Variants in CCSER1 observed in about 807,000 individuals in gnomAD.
The protein encoded by CCSER1 is coiled-coil serine rich protein 1, also known as serine-rich coiled-coil domain-containing protein 1.
CCSER1 carries 41 observed loss-of-function variants against 82.0 expected under a neutral mutation model. That is an observed-to-expected ratio of 0.50 (90% CI 0.39 to 0.65). The LOEUF (loss-of-function observed/expected upper bound fraction) is 0.65. Ranked by LOEUF, CCSER1 falls within the 30% of genes least tolerant of loss-of-function variation. The probability of loss-of-function intolerance (pLI) is 0.00; values close to 1 mark genes in which losing one functional copy is unlikely to be tolerated. For synonymous variants in CCSER1, 414 were observed against 383.9 expected (o/e 1.08, Z -0.92); for missense variants, 1,119 against 1,064.2 (o/e 1.05, Z -0.72).
intron 10 of CCSER1, among the ~76,000 whole-genome samples, chr4:91,155,719 T>A (rs572703448): frequency 4.6e-5 from 7 of 152,096 alleles, no homozygotes; most frequent in African/African-American, 1.7e-4. Flanking sequence ...TCTATTAATC[T>A]CTTGCAGAAA....
At chr4:90,858,450 T>A (rs1764706397) in intron 8 of CCSER1, among the ~76,000 whole-genome samples, 1 of 151,936 alleles carries the variant, frequency 6.6e-6, no homozygotes, top group Non-Finnish European at 1.5e-5. Context: ...TCAACCTCAG[T>A]GGTAATATAT....
intron 8 of CCSER1, among the ~76,000 whole-genome samples, chr4:90,899,373 A>G (rs1184030711): frequency 1.3e-5 from 2 of 151,960 alleles, no homozygotes; most frequent in Admixed American, 6.6e-5. Context: ...AGGGCTTTCT[A>G]TGTATAAAAT....
chr4:90,732,056 T>TCTCTCTCTCTCTCTCC (rs761678318), intron 7 of CCSER1, among the ~76,000 whole-genome samples: 1 of 144,710 alleles, frequency 6.9e-6, no homozygotes, highest in South Asian at 2.3e-4. Context: ...TCTCTCTCTC[T>TCTCTCTCTCTCTCTCC]CTCTCACTGC....
chr4:91,566,614 TGAGAG>T (rs1347216454), intron 10 of CCSER1, among the ~76,000 whole-genome samples: 1 of 152,122 alleles, frequency 6.6e-6, no homozygotes, highest in African/African-American at 2.4e-5. Context: ...GACTCAGTCT[TGAGAG>T]GATGTATATG....
intron 7 of CCSER1, among the ~76,000 whole-genome samples, chr4:90,804,114 C>G (rs577617558): frequency 7.2e-5 from 11 of 152,122 alleles, no homozygotes; most frequent in Non-Finnish European, 1.6e-4. Context: ...GGTTATTACT[C>G]CTTTGTCAGA....
At chr4:91,136,127 A>G (rs1728449184) in intron 10 of CCSER1, among the ~76,000 whole-genome samples, 1 of 152,158 alleles carries the variant, frequency 6.6e-6, no homozygotes. Context: ...AAAATTCCTC[A>G]TCTGATGTCC....
intron 1 of CCSER1, among the ~76,000 whole-genome samples, chr4:90,296,277 A>C (rs1731893228): frequency 1.3e-5 from 2 of 152,022 alleles, no homozygotes; most frequent in African/African-American, 4.8e-5. Context: ...TTTTGAAATT[A>C]TTTGTAACAG....
At chr4:90,670,051 C>A (rs1299460168) in intron 6 of CCSER1, among the ~76,000 whole-genome samples, 1 of 152,102 alleles carries the variant, frequency 6.6e-6, no homozygotes, top group Non-Finnish European at 1.5e-5. Context: ...ATTATGATCT[C>A]TAGCTTGCAC....
At chr4:90,495,492 C>T (rs1339144542) in intron 5 of CCSER1, among the ~76,000 whole-genome samples, 1 of 152,076 alleles carries the variant, frequency 6.6e-6, no homozygotes, top group East Asian at 1.9e-4. Flanking sequence ...TTCCTTCATT[C>T]TTATAGACGA....
chr4:90,610,820 C>G (rs1410712763), intron 5 of CCSER1, among the ~76,000 whole-genome samples: 10 of 152,072 alleles, frequency 6.6e-5, no homozygotes, highest in Admixed American at 2.0e-4. Context: ...TATCTCATTA[C>G]ATTAATGAGA....
intron 7 of CCSER1, among the ~76,000 whole-genome samples, chr4:90,764,998 C>T (rs902603059): frequency 4.6e-5 from 7 of 151,954 alleles, no homozygotes; most frequent in African/African-American, 1.7e-4. Flanking sequence ...CTTTTGTGGC[C>T]TATGCTCATT....
chr4:91,558,103 TAA>T (rs547310996), intron 10 of CCSER1, among the ~76,000 whole-genome samples: 98 of 121,340 alleles, frequency 8.1e-4, no homozygotes, highest in African/African-American at 3.0e-3. Context: ...TACCTTTTAA[TAA>T]AAAAAATATA....
At chr4:90,413,992 A>ATG (rs1288922112) in intron 4 of CCSER1, among the ~76,000 whole-genome samples, 9 of 119,004 alleles carry the variant, frequency 7.6e-5, no homozygotes, top group South Asian at 2.7e-4. Context: ...ATATATATAT[A>ATG]TATATATATA....
At chr4:91,381,222 G>T (rs921823039) in intron 10 of CCSER1, among the ~76,000 whole-genome samples, 5 of 152,086 alleles carry the variant, frequency 3.3e-5, no homozygotes, top group African/African-American at 1.2e-4. Flanking sequence ...ACAATTATGT[G>T]TCTTGGGGTT....
chr4:91,594,372 T>TATATATACACAC (rs1560788463), intron 10 of CCSER1, among the ~76,000 whole-genome samples: 4 of 136,854 alleles, frequency 2.9e-5, no homozygotes, highest in African/African-American at 1.0e-4. Context: ...TATATACACA[T>TATATATACACAC]ATATATACAC....
chr4:90,609,914 G>C (rs1785226405), intron 5 of CCSER1, among the ~76,000 whole-genome samples: 1 of 152,018 alleles, frequency 6.6e-6, no homozygotes, highest in Admixed American at 6.5e-5. Context: ...ACTGTAATTT[G>C]GATTACAGAA....
chr4:91,437,108 G>T (rs570766177), intron 10 of CCSER1, among the ~76,000 whole-genome samples: 3 of 152,170 alleles, frequency 2.0e-5, no homozygotes, highest in Non-Finnish European at 2.9e-5. Flanking sequence ...CCTTGCCTTT[G>T]CATTTAAATT....
rs1179229552 is a variant in CCSER1 at position 90,767,868 on chromosome 4, G to A, written c.2010+43877G>A. On this transcript the variant is annotated intron_variant, in intron 7 of 10. Transcript: ENST00000509176. Reference sequence around the variant, plus strand: ...TTTTTTTGCCATGTTGCCCAGGCTGGTGTCGAACTTCTGGGCTCAAGAGAT... The same window carrying A: ...TTTTTTTGCCATGTTGCCCAGGCTGATGTCGAACTTCTGGGCTCAAGAGAT... Among the ~76,000 whole-genome samples, 5 of 149,160 alleles carry A rather than the reference G, an allele frequency of 3.4e-5. No individual in the cohort carries two copies. The South Asian group carries it at 1.1e-3, about 32-fold the overall frequency.
At chr4:90,595,791 AAAAAT>A (rs749228407) in intron 5 of CCSER1, among the ~76,000 whole-genome samples, 16 of 151,998 alleles carry the variant, frequency 1.1e-4, no homozygotes, top group Non-Finnish European at 2.4e-4. Context: ...CATTTTCACA[AAAAAT>A]AAAATAAAAT....
Sources: gnomAD v4.1 joint callset for allele counts (sites outside exome capture counted in the v4.1 genomes callset) on GRCh38, gnomAD v4.1.1 for gene constraint, MANE v1.5 for transcripts, NCBI Gene and HGNC (gene_info 2026-07-23, HGNC 2026-07-21) for gene names.